The following CFAP43 variants were observed in gnomAD, a reference collection of about 807,000 sequenced individuals.
CFAP43 encodes the protein cilia- and flagella-associated protein 43.
A neutral mutation model predicts 218.9 loss-of-function variants in CFAP43; 155 were observed. The ratio of observed to expected loss-of-function variants is 0.71; its 90% CI spans 0.62 to 0.81. The LOEUF (loss-of-function observed/expected upper bound fraction) is 0.81, where lower values mean the gene tolerates loss of function less well. CFAP43 is among the 30% of genes least tolerant of loss of function. CFAP43 has a pLI of 0.00. For synonymous variants in CFAP43, 645 were observed against 681.3 expected (o/e 0.95, Z 0.83); for missense variants, 1,778 against 1,954.3 (o/e 0.91, Z 1.70).
At chr10:104,189,934 A>G (rs1204457593) in intron 12 of CFAP43, among the ~76,000 whole-genome samples, 1 of 152,070 alleles carries the variant, frequency 6.6e-6, no homozygotes, top group Non-Finnish European at 1.5e-5. Context: ...TTGGGAGGCC[A>G]AGGCGGGCGG....
intron 7 of CFAP43, among the ~76,000 whole-genome samples, chr10:104,205,212 CAAAA>C (rs71022723): frequency 3.5e-5 from 2 of 56,572 alleles, no homozygotes; most frequent in African/African-American, 6.8e-5. Flanking sequence ...GACTCCGTCT[CAAAA>C]AAAAAAAAAA....
intron 8 of CFAP43, among the ~76,000 whole-genome samples, chr10:104,202,811 T>C (rs888194227): frequency 6.6e-6 from 1 of 150,460 alleles, no homozygotes. Context: ...AAACATAAGT[T>C]AGCATAGTTT....
In CFAP43 at chr10:104,164,116, G is replaced by T. The variant is rs146455280; in HGVS notation, c.3224C>A (p.Thr1075Lys). 1.7e-4 allele frequency: 281 copies of T among 1,614,146 alleles called. 4 individuals carry two copies. The East Asian group carries it at 3.8e-3, about 22-fold the overall frequency. ...EFEDCEKPER[T>K]LVVQDEEITA... is the part of the protein sequence containing the mutation. ...TACCTCCTCATCTTGCACAACAAGCGTTCTCTCTGGCTTCTCACAGTCTTC... is the reference window on the plus strand; with the variant it reads ...TACCTCCTCATCTTGCACAACAAGCTTTCTCTCTGGCTTCTCACAGTCTTC... The change falls in exon 24 of 38, where the codon ACG (threonine) becomes AAG (lysine). Residue 1075 changes from threonine to lysine, a missense_variant. Thr to Lys is a moderately conservative substitution (Grantham distance 78, BLOSUM62 -1). Around this residue, in one of 3 missense-constraint regions of CFAP43, gnomAD observed 1,553 missense variants for 1,685.2 expected, o/e 0.92. Coordinates refer to ENST00000357060, the MANE Select transcript of CFAP43 (RefSeq NM_025145.7).
At chr10:104,188,245 A>T (rs2090094309) in intron 13 of CFAP43, 25 bp downstream of exon 13, 2 of 1,612,266 alleles carry the variant, frequency 1.2e-6, no homozygotes, top group Non-Finnish European at 1.7e-6. Context: ...TCAGGAGCAG[A>T]ACTGGCTGCT....
chr10:104,157,775 T>TGAGAGAGAGAGAGAGAGAGAGAGA, intron 27 of CFAP43, among the ~76,000 whole-genome samples: 1 of 90,160 alleles, frequency 1.1e-5, no homozygotes, highest in Admixed American at 1.3e-4. Flanking sequence ...TGTGTGTGTG[T>TGAGAGAGAGAGAGAGAGAGAGAGA]GAGAGAGAGA....
chr10:104,175,912 T>C (rs1288782460), intron 19 of CFAP43, among the ~76,000 whole-genome samples: 1 of 152,218 alleles, frequency 6.6e-6, no homozygotes, highest in Non-Finnish European at 1.5e-5. Context: ...CTTATATATA[T>C]ACTAAAGTTC....
intron 35 of CFAP43, chr10:104,132,577 T>C (rs1185608461): frequency 3.3e-6 from 3 of 896,318 alleles, no homozygotes; most frequent in South Asian, 5.2e-5. Flanking sequence ...ATCACACCAT[T>C]GCACTCCACC....
At chr10:104,165,284 A>C (rs780792790) in intron 23 of CFAP43, among the ~76,000 whole-genome samples, 1 of 152,226 alleles carries the variant, frequency 6.6e-6, no homozygotes, top group Non-Finnish European at 1.5e-5. Flanking sequence ...ACTGAAGATG[A>C]AACCATTAAA....
rs1382171506 is a variant in CFAP43, at chr10:104,141,019, T to C, written c.4272-18A>G. The C allele has an allele frequency of 6.3e-7, 1 of 1,597,310 alleles. No individual in the cohort carries two copies. The highest frequency in any genetic ancestry group is 1.3e-5 in the African/African-American group (1 of 74,366). ...CCTGTAATCTGAATTGAAAAGTACT[T>C]CAAAGCAAGTAGTTGTAATATATTT... On this transcript the variant is annotated intron_variant, in intron 33 of 37. Coordinates refer to ENST00000357060, the MANE Select transcript of CFAP43 (RefSeq NM_025145.7).
intron 1 of CFAP43, 77 bp from the exon 2 acceptor site, chr10:104,230,920 C>A (rs2091434037): frequency 7.0e-7 from 1 of 1,438,230 alleles, no homozygotes; most frequent in South Asian, 1.5e-5. Flanking sequence ...AAAGGGTCAT[C>A]AAAATCTTTG....
intron 33 of CFAP43, 91 bp from the exon 34 acceptor site, chr10:104,141,092 G>T: frequency 7.7e-7 from 1 of 1,306,200 alleles, no homozygotes; most frequent in Non-Finnish European, 1.1e-6. Flanking sequence ...TCAGCTTAAG[G>T]AAAACATGCT....
Position 104,192,221 on chromosome 10 carries a change from T to C in CFAP43, c.1524A>G (p.Ser508=), listed in dbSNP as rs149948039. 5.8e-5 allele frequency: 93 copies of C among 1,610,970 alleles called. 1 individual carries two copies. The highest frequency in any genetic ancestry group is 7.5e-5 in the Non-Finnish European group (88 of 1,178,176). The change falls in exon 12 of 38, where the codon TCA becomes TCG. Residue 508 remains serine, a synonymous_variant. Coordinates refer to ENST00000357060, the MANE Select transcript of CFAP43 (RefSeq NM_025145.7). ...VFIINANSSS[S]FQIIGFTEVA... is the part of the protein sequence containing the mutation. The stretch of plus-strand genomic sequence containing the variant: ...TACCTGTGAATCCAATAATCTGAAA[T>C]GAGCTTGAGGAGTTGGCATTGATAA...
intron 7 of CFAP43, among the ~76,000 whole-genome samples, chr10:104,205,571 A>T (rs940311753): frequency 6.6e-6 from 1 of 152,232 alleles, no homozygotes; most frequent in Admixed American, 6.5e-5. Flanking sequence ...CATGTAAGTT[A>T]AATGGGCATT....
At position 104,214,817 on chromosome 10, in the gene CFAP43, G is replaced by A. The variant is rs529157655; in HGVS notation, c.417-391C>T. Among the ~76,000 whole-genome samples the A allele has an allele frequency of 3.9e-5, 6 of 152,278 alleles. No homozygotes were observed. The South Asian group carries it at 1.2e-3, about 32-fold the overall frequency. The stretch of plus-strand genomic sequence containing the variant: ...ATCTGGGGGTACTGTTCTCATCGAT[G>A]CCAATTGATCATTTATTGAGTTTTT... On this transcript the variant is annotated intron_variant, in intron 3 of 37. Coordinates refer to ENST00000357060, the MANE Select transcript of CFAP43 (RefSeq NM_025145.7).
At chr10:104,205,212 C>CAAAAAAAAAAAAAAA (rs71022723) in intron 7 of CFAP43, among the ~76,000 whole-genome samples, 5 of 56,552 alleles carry the variant, frequency 8.8e-5, no homozygotes, top group Admixed American at 2.1e-4. Context: ...GACTCCGTCT[C>CAAAAAAAAAAAAAAA]AAAAAAAAAA....
At chr10:104,176,343 T>C (rs1468678526) in intron 19 of CFAP43, among the ~76,000 whole-genome samples, 5 of 152,190 alleles carry the variant, frequency 3.3e-5, no homozygotes, top group Non-Finnish European at 7.3e-5. Context: ...AAATAAATTA[T>C]AGATGAAATC....
intron 16 of CFAP43, among the ~76,000 whole-genome samples, chr10:104,183,211 T>G (rs1459534899): frequency 1.3e-5 from 2 of 152,168 alleles, no homozygotes; most frequent in African/African-American, 4.8e-5. Context: ...AACAGATTCC[T>G]GGGCCCCACT....
intron 29 of CFAP43, 27 bp downstream of exon 29, chr10:104,147,864 T>C (rs1220264645): frequency 4.6e-6 from 7 of 1,507,092 alleles, no homozygotes; most frequent in Non-Finnish European, 6.3e-6. Context: ...AAAATGCTTG[T>C]ATTCAGATTT....
chr10:104,196,440 C>A (rs1379142803), intron 10 of CFAP43, among the ~76,000 whole-genome samples: 1 of 152,206 alleles, frequency 6.6e-6, no homozygotes, highest in Non-Finnish European at 1.5e-5. Context: ...CACCCCCTCT[C>A]CCTCCAAAAG....
Sources: gnomAD v4.1 joint callset for allele counts (sites outside exome capture counted in the v4.1 genomes callset) on GRCh38, gnomAD v4.1.1 for gene constraint, gnomAD v4.1.1 regional missense constraint, MANE v1.5 for transcripts, NCBI Gene and HGNC (gene_info 2026-07-23, HGNC 2026-07-21) for gene names.